Variants in MSI1 observed in about 807,000 individuals in gnomAD.
MSI1 encodes the protein RNA-binding protein Musashi homolog 1.
Under a neutral mutation model 54.4 loss-of-function variants are expected in MSI1, and 15 were observed. That is an observed-to-expected ratio of 0.28 (90% CI 0.18 to 0.42). MSI1 has a LOEUF of 0.42. Among genes scored for constraint, MSI1 ranks in the 20% least tolerant of loss-of-function variants. The probability of loss-of-function intolerance (pLI) is 1.00; values close to 1 mark genes in which losing one functional copy is unlikely to be tolerated. For missense variants in MSI1, 304 were observed against 506.0 expected (o/e 0.60, Z 3.83); for synonymous variants, 200 against 196.5 (o/e 1.02, Z -0.15).
rs1876220916 is a variant in MSI1, at chr12:120,369,022, C to G, written c.59+11G>C. The G allele has an allele frequency of 9.5e-7, 1 of 1,051,398 alleles. No homozygotes were observed. Among genetic ancestry groups the G allele is most frequent in the Admixed American group, 5.6e-5 (1 of 17,892 alleles). 65.1% of individuals were successfully genotyped at this position (1,051,398 alleles called of 1,614,324 possible). ...GCGGGCGCGGGCCAAGCAGGCCGGG[C>G]CGGGCCGTACCAGGGGTCGTGCGGC... On this transcript the variant is annotated intron_variant, in intron 1 of 14. Coordinates refer to ENST00000257552, the MANE Select transcript of MSI1 (RefSeq NM_002442.4).
rs1285244481 is a variant in MSI1, at chr12:120,368,412, C to T, written c.101-139G>A. 6 of 864,860 alleles carry T rather than the reference C, an allele frequency of 6.9e-6. No homozygotes were observed. The highest frequency in any genetic ancestry group is 8.3e-6 in the Non-Finnish European group (5 of 601,842). 53.6% of individuals were successfully genotyped at this position (864,860 alleles called of 1,614,324 possible). A position where few individuals can be genotyped will look rare whatever the true frequency, so the allele number is the denominator to read the frequency against. On this transcript the variant is annotated intron_variant, in intron 2 of 14. Transcript: ENST00000257552. This position sits in a 1 kb window ranked among gnomAD's most constrained non-coding sequence, Gnocchi z 6.6. ...CGCGCGTTCTCCACTGCCGCCGCCC[C>T]CCACCGCCCTCGCCCCGTTCCCGCT...
chr12:120,348,848 G>A (rs186247622), intron 11 of MSI1, among the ~76,000 whole-genome samples: 7 of 152,032 alleles, frequency 4.6e-5, no homozygotes, highest in East Asian at 3.9e-4. Context: ...AGCCAAGACC[G>A]CGCCATTGCA....
intron 13 of MSI1, among the ~76,000 whole-genome samples, 183 bp downstream of exon 13, chr12:120,345,952 G>T (rs920129281): frequency 6.6e-6 from 1 of 152,192 alleles, no homozygotes; most frequent in Non-Finnish European, 1.5e-5. Context: ...ATTCAGAGGC[G>T]ATAACTAAGT....
chr12:120,366,270 GCA>G (rs1222079102), intron 4 of MSI1, among the ~76,000 whole-genome samples: 1 of 152,110 alleles, frequency 6.6e-6, no homozygotes, highest in Non-Finnish European at 1.5e-5. Flanking sequence ...TCTCTGAATG[GCA>G]CAGACCAGGA....
chr12:120,343,800 A>T (rs1301667845), intron 14 of MSI1, among the ~76,000 whole-genome samples: 1 of 152,150 alleles, frequency 6.6e-6, no homozygotes, highest in African/African-American at 2.4e-5. Context: ...ACAGTCTCCC[A>T]CCATCTGGAT....
intron 14 of MSI1, 114 bp from the exon 15 acceptor site, chr12:120,343,219 T>A (rs942977690): frequency 6.6e-6 from 1 of 152,224 alleles, no homozygotes; most frequent in African/African-American, 2.4e-5. Flanking sequence ...CTTATTTTTT[T>A]AGAGACAGAG....
chr12:120,342,694 A>G lies in MSI1; in HGVS notation c.*433T>C, dbSNP rs1172948685. On this transcript the variant is annotated 3_prime_UTR_variant, in exon 15 of 15. Transcript: ENST00000257552. ...AAAAAGGGAAAGGGTAAAGGAGGGG[A>G]AATCTGAATAAAAAACAGGGGTTGG... The G allele has an allele frequency of 6.7e-6, 1 of 149,292 alleles. No homozygotes were observed. Among genetic ancestry groups the G allele is most frequent in the East Asian group, 2.0e-4 (1 of 5,058 alleles). The allele number at this position is 149,292 out of a possible 1,614,324, so 9.2% of individuals were successfully genotyped here. A position where few individuals can be genotyped will look rare whatever the true frequency, so the allele number is the denominator to read the frequency against.
chr12:120,346,769 T>C (rs12426900), intron 12 of MSI1, among the ~76,000 whole-genome samples: 8,880 of 152,216 alleles, frequency 0.058, 390 homozygotes, highest in Admixed American at 0.15. Context: ...GAATGCAAAG[T>C]TAAGAGGCCC....
intron 11 of MSI1, among the ~76,000 whole-genome samples, chr12:120,350,855 G>A (rs967279323): frequency 6.6e-6 from 1 of 152,218 alleles, no homozygotes; most frequent in East Asian, 1.9e-4. Flanking sequence ...GAAAAATAAT[G>A]GAAAAATTCA....
At chr12:120,352,696 G>A (rs1476428675) in intron 10 of MSI1, among the ~76,000 whole-genome samples, 1 of 151,336 alleles carries the variant, frequency 6.6e-6, no homozygotes, top group Non-Finnish European at 1.5e-5. Flanking sequence ...TAAATAAATG[G>A]CCTTGCAAAA....
intron 7 of MSI1, among the ~76,000 whole-genome samples, chr12:120,358,399 T>C (rs1875325367): frequency 6.6e-6 from 1 of 151,498 alleles, no homozygotes; most frequent in African/African-American, 2.4e-5. Context: ...TACCCCCTTT[T>C]GCACAGATAC....
chr12:120,363,989 A>G (rs1027650040), intron 5 of MSI1, among the ~76,000 whole-genome samples: 1 of 152,166 alleles, frequency 6.6e-6, no homozygotes, highest in African/African-American at 2.4e-5. Flanking sequence ...TCCTGACCCC[A>G]TGTTCCGCAA....
chr12:120,355,998 G>C (rs572548227), intron 9 of MSI1, among the ~76,000 whole-genome samples: 1 of 151,928 alleles, frequency 6.6e-6, no homozygotes, highest in Non-Finnish European at 1.5e-5. Flanking sequence ...CTTCCTGGGG[G>C]GCCAAACTCA....
chr12:120,357,427 C>T (rs1207849500), intron 8 of MSI1, among the ~76,000 whole-genome samples: 1 of 152,218 alleles, frequency 6.6e-6, no homozygotes, highest in Non-Finnish European at 1.5e-5. Flanking sequence ...CATAGCTTCC[C>T]TGGCAGGCCC....
In MSI1 at chr12:120,351,336, C is replaced by T. The variant is rs938896457; in HGVS notation, c.790+8G>A. On this transcript the variant is annotated splice_region_variant and intron_variant, in intron 11 of 14. Transcript: ENST00000257552. The stretch of plus-strand genomic sequence containing the variant: ...GCCTGAGAGGTATACAAAATCCGAG[C>T]GACTGACCTGTAAGCTCGGGGAGGA... 12 of 1,612,276 alleles carry T rather than the reference C, an allele frequency of 7.4e-6. No homozygotes were observed. The highest frequency in any genetic ancestry group is 1.0e-5 in the Non-Finnish European group (12 of 1,179,256).
intron 12 of MSI1, 67 bp downstream of exon 12, chr12:120,347,379 C>T (rs1240853953): frequency 2.1e-5 from 33 of 1,583,564 alleles, no homozygotes; most frequent in Admixed American, 1.3e-4. Context: ...TGGCCTTCTC[C>T]CCTCCCCTGG....
At chr12:120,361,701 C>G (rs1875659401) in intron 6 of MSI1, among the ~76,000 whole-genome samples, 1 of 150,852 alleles carries the variant, frequency 6.6e-6, no homozygotes, top group Non-Finnish European at 1.5e-5. Context: ...GTTCCCCCCT[C>G]GGCGGCGGCC....
Position 120,368,388 on chromosome 12 carries a change from G to T in MSI1, c.101-115C>A. 9.0e-7 allele frequency: 1 copy of T among 1,111,848 alleles called. No homozygotes were observed. Among genetic ancestry groups the T allele is most frequent in the Non-Finnish European group, 1.2e-6 (1 of 824,240 alleles). The allele number at this position is 1,111,848 out of a possible 1,614,324, so 68.9% of individuals were successfully genotyped here. A position where few individuals can be genotyped will look rare whatever the true frequency, so the allele number is the denominator to read the frequency against. On this transcript the variant is annotated intron_variant, in intron 2 of 14. Coordinates refer to ENST00000257552, the MANE Select transcript of MSI1 (RefSeq NM_002442.4). The surrounding 1 kb of genome is among the most constrained non-coding windows in gnomAD (Gnocchi z 6.6). ...CGGCCGCCCCCGCGCCAAGCTGCCC[G>T]CGCGTTCTCCACTGCCGCCGCCCCC...
At chr12:120,365,378 A>T (rs904861999) in intron 4 of MSI1, among the ~76,000 whole-genome samples, 2 of 152,190 alleles carry the variant, frequency 1.3e-5, no homozygotes, top group Non-Finnish European at 2.9e-5. Flanking sequence ...TCATCAGCAG[A>T]TTATTGGAGA....
Sources: allele counts gnomAD v4.1 joint callset (sites outside exome capture counted in the v4.1 genomes callset), GRCh38; gene constraint gnomAD v4.1.1; non-coding constraint Gnocchi (gnomAD v3.1); transcripts MANE v1.5; gene names NCBI Gene and HGNC (gene_info 2026-07-23, HGNC 2026-07-21).